The following CAPS2 variants were observed in gnomAD, a reference collection of about 807,000 sequenced individuals.
CAPS2 encodes the protein calcyphosine 2.
Under a neutral mutation model 86.5 loss-of-function variants are expected in CAPS2, and 98 were observed. That is an observed-to-expected ratio of 1.13 (90% CI 0.96 to 1.34). The LOEUF is 1.34. Among genes scored for constraint, CAPS2 ranks in the 40% most tolerant of loss-of-function variants. The pLI is 0.00. For missense variants in CAPS2, 729 were observed against 686.8 expected (o/e 1.06, Z -0.69); for synonymous variants, 210 against 225.1 (o/e 0.93, Z 0.60).
chr12:75,390,847 GTCTT>G (rs1311811563), exon 1 of CAPS2: 2 of 653,600 alleles, frequency 3.1e-6, no homozygotes, highest in African/African-American at 1.8e-5. Context: ...CGTAACACAA[GTCTT>G]TCTTTAGTTT....
intron 1 of CAPS2, chr12:75,367,043 CA>C: frequency 1.4e-6 from 1 of 700,440 alleles, no homozygotes; most frequent in Non-Finnish European, 2.6e-6. Context: ...CTAAAAATGA[CA>C]GTTTAAGTTT....
At chr12:75,278,657 T>G in exon 17 of CAPS2, 1 of 1,191,240 alleles carries the variant, frequency 8.4e-7, no homozygotes, top group Non-Finnish European at 1.0e-6. Flanking sequence ...TAAGGACATG[T>G]GAACAGGCAT....
chr12:75,378,863 A>G (rs1193537496), intron 1 of CAPS2, among the ~76,000 whole-genome samples: 1 of 152,220 alleles, frequency 6.6e-6, no homozygotes, highest in Non-Finnish European at 1.5e-5. Flanking sequence ...GACATCATGT[A>G]TATAGAGTCT....
Position 75,367,123 on chromosome 12 carries a change from T to G in CAPS2, c.-395+23715A>C. 3 of 672,194 alleles carry G rather than the reference T, an allele frequency of 4.5e-6. No individual in the cohort carries two copies. The South Asian group carries it at 4.8e-5, about 11-fold the overall frequency. 41.6% of individuals were successfully genotyped at this position (672,194 alleles called of 1,614,324 possible). On this transcript the variant is annotated intron_variant, in intron 1 of 5. Coordinates refer to the CAPS2 transcript ENST00000551829. ...AGAAAACGTAATGGAGAAGACACTT[T>G]AGAATACACCTCCAAAGTGGAAACC...
intron 8 of CAPS2, among the ~76,000 whole-genome samples, chr12:75,303,418 T>TA (rs1217067314): frequency 6.6e-6 from 1 of 152,170 alleles, no homozygotes; most frequent in Non-Finnish European, 1.5e-5. Context: ...GATATTAAGA[T>TA]AGAGAGGTTA....
chr12:75,349,895 T>A (rs2042692080), intron 1 of CAPS2, among the ~76,000 whole-genome samples: 1 of 152,288 alleles, frequency 6.6e-6, no homozygotes, highest in East Asian at 1.9e-4. Context: ...AAAAAGTGTA[T>A]CAGCTGCAAT....
chr12:75,355,513 A>C (rs1346636418), intron 1 of CAPS2, among the ~76,000 whole-genome samples: 1 of 152,180 alleles, frequency 6.6e-6, no homozygotes, highest in African/African-American at 2.4e-5. Context: ...ACGTTTTTAC[A>C]CTGTTGGTGG....
At chr12:75,284,155 G>T (rs2034472668) in intron 15 of CAPS2, among the ~76,000 whole-genome samples, 1 of 152,084 alleles carries the variant, frequency 6.6e-6, no homozygotes, top group Non-Finnish European at 1.5e-5. Context: ...TCACCAGGAA[G>T]GACATGGAAA....
At chr12:75,341,190 C>T (rs1032032515) in intron 1 of CAPS2, among the ~76,000 whole-genome samples, 1 of 152,140 alleles carries the variant, frequency 6.6e-6, no homozygotes, top group African/African-American at 2.4e-5. Context: ...ATTCAATGCT[C>T]TTGAGAAACA....
chr12:75,365,482 T>C (rs929510350), intron 1 of CAPS2, among the ~76,000 whole-genome samples: 2 of 152,174 alleles, frequency 1.3e-5, no homozygotes, highest in Admixed American at 6.5e-5. Flanking sequence ...TACCTTCTTT[T>C]GCATATAACT....
intron 7 of CAPS2, chr12:75,306,062 G>T: frequency 6.8e-7 from 1 of 1,475,186 alleles, no homozygotes; most frequent in South Asian, 1.2e-5. Context: ...GCGCCGTCTA[G>T]AACGTGCTGC....
At chr12:75,309,889 T>C (rs942705938) in intron 7 of CAPS2, among the ~76,000 whole-genome samples, 1 of 152,248 alleles carries the variant, frequency 6.6e-6, no homozygotes, top group Admixed American at 6.5e-5. Context: ...CACAGAATGT[T>C]AGAGTTATAA....
chr12:75,312,770 G>A (rs1411755119), intron 7 of CAPS2, 78 bp downstream of exon 7: 5 of 857,044 alleles, frequency 5.8e-6, no homozygotes, highest in Non-Finnish European at 7.8e-6. Context: ...ATTGACCAAG[G>A]ATATGAATGT....
At chr12:75,306,621 A>G (rs1262558680) in intron 7 of CAPS2, among the ~76,000 whole-genome samples, 2 of 152,116 alleles carry the variant, frequency 1.3e-5, no homozygotes, top group South Asian at 2.1e-4. Flanking sequence ...TGTCCCAGAG[A>G]CGTGCTAAAC....
intron 1 of CAPS2, chr12:75,366,702 C>G (rs1462047228): frequency 3.4e-5 from 18 of 532,532 alleles, no homozygotes; most frequent in Non-Finnish European, 5.7e-5. Context: ...TTTTGTGTTG[C>G]AGATCAATGT....
intron 11 of CAPS2, among the ~76,000 whole-genome samples, chr12:75,295,929 G>A (rs2036797399): frequency 2.0e-5 from 3 of 151,812 alleles, no homozygotes; most frequent in Non-Finnish European, 2.9e-5. Flanking sequence ...AAACCTAAAA[G>A]ATATAAAGAA....
chr12:75,369,465 T>C, intron 1 of CAPS2: 1 of 940,366 alleles, frequency 1.1e-6, no homozygotes, highest in South Asian at 4.9e-5. Flanking sequence ...AATTAATTAT[T>C]TTTTTAAGTA....
intron 1 of CAPS2, among the ~76,000 whole-genome samples, chr12:75,385,363 C>G (rs1046913707): frequency 7.2e-5 from 11 of 151,888 alleles, no homozygotes; most frequent in African/African-American, 2.2e-4. Flanking sequence ...ATGATTATAT[C>G]CATAGATGCA....
intron 7 of CAPS2, 69 bp downstream of exon 7, chr12:75,312,779 G>A (rs2039364856): frequency 1.1e-6 from 1 of 922,452 alleles, no homozygotes; most frequent in Non-Finnish European, 1.8e-6. Flanking sequence ...GGATATGAAT[G>A]TCATGCATGA....
Sources: allele counts gnomAD v4.1 joint callset (sites outside exome capture counted in the v4.1 genomes callset), GRCh38; gene constraint gnomAD v4.1.1; transcripts MANE v1.5; gene names NCBI Gene and HGNC (gene_info 2026-07-23, HGNC 2026-07-21).